ST3GAL2: variants seen among roughly 807,000 people sequenced by gnomAD.
The protein encoded by ST3GAL2 is ST3 beta-galactoside alpha-2,3-sialyltransferase 2, also known as CMP-N-acetylneuraminate-beta-galactosamide-alpha-2,3-sialyltransferase 2.
Under a neutral mutation model 37.5 loss-of-function variants are expected in ST3GAL2, and 16 were observed. That is an observed-to-expected ratio of 0.43 (90% CI 0.29 to 0.65). ST3GAL2 has a LOEUF of 0.65. ST3GAL2 is among the 30% of genes least tolerant of loss of function. The pLI is 0.17. For synonymous variants in ST3GAL2, 238 were observed against 202.9 expected (o/e 1.17, Z -1.47); for missense variants, 383 against 487.8 (o/e 0.79, Z 2.02).
intron 1 of ST3GAL2, chr16:70,401,121 T>C (rs1413882166): frequency 6.6e-6 from 1 of 152,350 alleles, no homozygotes. Context: ...ATGAGGCAGG[T>C]GGCCCTGGAA....
intron 3 of ST3GAL2, among the ~76,000 whole-genome samples, chr16:70,392,655 G>A (rs568774610): frequency 6.6e-6 from 1 of 152,320 alleles, no homozygotes; most frequent in South Asian, 2.1e-4. Context: ...TGGCAGCGAG[G>A]TGGGTGGGGC....
intron 1 of ST3GAL2, among the ~76,000 whole-genome samples, chr16:70,422,115 T>C (rs1429113659): frequency 2.6e-5 from 4 of 152,172 alleles, no homozygotes; most frequent in African/African-American, 9.7e-5. Context: ...AGGACCTTGA[T>C]TCCAGGACTG....
intron 1 of ST3GAL2, among the ~76,000 whole-genome samples, chr16:70,437,860 A>C (rs1038551054): frequency 1.3e-5 from 2 of 152,160 alleles, no homozygotes; most frequent in African/African-American, 4.8e-5. Context: ...CCAGCTTCCA[A>C]ACATCCGTCC....
chr16:70,395,190 G>C lies in ST3GAL2; in HGVS notation c.340-15C>G. 6.3e-7 allele frequency: 1 copy of C among 1,588,336 alleles called. No individual in the cohort carries two copies. Among genetic ancestry groups the C allele is most frequent in the Non-Finnish European group, 8.6e-7 (1 of 1,165,598 alleles). On this transcript the variant is annotated splice_polypyrimidine_tract_variant and intron_variant, in intron 2 of 6. Transcript: ENST00000342907. ...GGCTGCAGCATCTGTGGAAGGGAGG[G>C]GAAGATGGGAAACGAGGAAGGGGAG...
intron 1 of ST3GAL2, among the ~76,000 whole-genome samples, chr16:70,408,522 T>C (rs1202267045): frequency 6.6e-6 from 1 of 152,044 alleles, no homozygotes; most frequent in Admixed American, 6.6e-5. Context: ...CCACCCTGCT[T>C]GGTTAACTGA....
At chr16:70,428,867 T>C (rs538613662) in intron 1 of ST3GAL2, among the ~76,000 whole-genome samples, 3 of 152,052 alleles carry the variant, frequency 2.0e-5, no homozygotes, top group Non-Finnish European at 4.4e-5. Flanking sequence ...CACCCTGGCT[T>C]TGGGGAAAAA....
chr16:70,422,494 G>C lies in ST3GAL2; in HGVS notation c.-1004+16455C>G, dbSNP rs952225685. 9.2e-5 allele frequency among the ~76,000 whole-genome samples: 14 copies of C among 152,248 alleles called. 1 individual carries two copies. The highest frequency in any genetic ancestry group is 2.0e-4 in the Admixed American group (3 of 15,288). ...GTCAGTCTGGGCTGGCAGACAGTTC[G>C]GGAGAGAAATGGCTGTCAGCAAACA... On this transcript the variant is annotated intron_variant, in intron 1 of 6. Transcript: ENST00000342907.
intron 1 of ST3GAL2, among the ~76,000 whole-genome samples, chr16:70,420,017 C>T (rs868583751): frequency 4.7e-4 from 70 of 149,294 alleles, no homozygotes; most frequent in African/African-American, 1.4e-3. Context: ...TTTGACCCCC[C>T]CCTTCCCTTT....
intron 4 of ST3GAL2, among the ~76,000 whole-genome samples, chr16:70,384,478 G>C (rs891112483): frequency 9.9e-5 from 15 of 151,964 alleles, no homozygotes; most frequent in Non-Finnish European, 2.9e-5. Flanking sequence ...AGGCCGAGGG[G>C]GCCAGATCAC....
intron 1 of ST3GAL2, among the ~76,000 whole-genome samples, chr16:70,436,699 A>C (rs1309086181): frequency 2.0e-5 from 3 of 152,022 alleles, no homozygotes; most frequent in Non-Finnish European, 4.4e-5. Flanking sequence ...TCCTTCCCTA[A>C]ACCTGTAACC....
At chr16:70,405,599 T>C (rs1017581971) in intron 1 of ST3GAL2, among the ~76,000 whole-genome samples, 1 of 145,042 alleles carries the variant, frequency 6.9e-6, no homozygotes, top group African/African-American at 2.6e-5. Flanking sequence ...AAAGGCCCCA[T>C]GCCAGATGAT....
chr16:70,398,112 G>A lies in ST3GAL2; in HGVS notation c.339+80C>T, dbSNP rs760204444. 4.1e-6 allele frequency: 6 copies of A among 1,470,616 alleles called. No individual in the cohort carries two copies. In the African/African-American group the frequency reaches 8.4e-5, roughly 20 times the overall value. 91.1% of individuals were successfully genotyped at this position (1,470,616 alleles called of 1,614,324 possible). Reference sequence around the variant, plus strand: ...AAACAGGCATTTTGTCAAGGCTCTGGGGGCCAGAAATCCAAGAGGGGGCTC... The same window carrying A: ...AAACAGGCATTTTGTCAAGGCTCTGAGGGCCAGAAATCCAAGAGGGGGCTC... On this transcript the variant is annotated intron_variant, in intron 2 of 6. Coordinates refer to ENST00000342907, the MANE Select transcript of ST3GAL2 (RefSeq NM_006927.4).
chr16:70,387,454 C>G (rs1004302077), intron 4 of ST3GAL2, among the ~76,000 whole-genome samples: 5 of 152,106 alleles, frequency 3.3e-5, no homozygotes, highest in African/African-American at 1.2e-4. Flanking sequence ...ACTCGGGAGG[C>G]TGAGGCACGA....
chr16:70,410,238 A>C (rs1177860110), intron 1 of ST3GAL2, among the ~76,000 whole-genome samples: 24 of 54,916 alleles, frequency 4.4e-4, no homozygotes, highest in Middle Eastern at 9.8e-3. Flanking sequence ...CTCCACCCTC[A>C]CCTTTTTTTT....
chr16:70,426,530 A>T, intron 1 of ST3GAL2, among the ~76,000 whole-genome samples: 2 of 127,616 alleles, frequency 1.6e-5, no homozygotes. Flanking sequence ...TTTTTTTTTG[A>T]GACAGAGTTT....
chr16:70,389,459 C>T (rs2047467538), intron 3 of ST3GAL2, among the ~76,000 whole-genome samples: 2 of 151,476 alleles, frequency 1.3e-5, no homozygotes, highest in South Asian at 4.2e-4. Context: ...ACAACATGTG[C>T]CAGCATTCCC....
At chr16:70,427,205 C>T (rs188590387) in intron 1 of ST3GAL2, among the ~76,000 whole-genome samples, 100 of 152,154 alleles carry the variant, frequency 6.6e-4, no homozygotes, top group African/African-American at 2.4e-3. Flanking sequence ...CCCATCTATC[C>T]CACTAATTTC....
intron 3 of ST3GAL2, among the ~76,000 whole-genome samples, chr16:70,389,883 T>A (rs936690490): frequency 6.6e-6 from 1 of 151,954 alleles, no homozygotes; most frequent in African/African-American, 2.4e-5. Context: ...GCCTCCTGGG[T>A]TCACGCCATT....
At chr16:70,418,739 G>C (rs184447891) in intron 1 of ST3GAL2, among the ~76,000 whole-genome samples, 2 of 152,154 alleles carry the variant, frequency 1.3e-5, no homozygotes, top group Admixed American at 6.5e-5. Flanking sequence ...CAGGTTGGGG[G>C]TGAGAGGATT....
Sources: allele counts gnomAD v4.1 joint callset (sites outside exome capture counted in the v4.1 genomes callset), GRCh38; gene constraint gnomAD v4.1.1; transcripts MANE v1.5; gene names NCBI Gene and HGNC (gene_info 2026-07-23, HGNC 2026-07-21).